Variants in EXOC6 observed in about 807,000 individuals in gnomAD.
The protein encoded by EXOC6 is exocyst complex component 6.
Under a neutral mutation model 112.5 loss-of-function variants are expected in EXOC6, and 60 were observed. The observed-to-expected ratio is 0.53, with a 90% CI of 0.43 to 0.66. The LOEUF (loss-of-function observed/expected upper bound fraction) is 0.66, where lower values mean the gene tolerates loss of function less well. EXOC6 is among the 30% of genes least tolerant of loss of function. EXOC6 has a pLI of 0.00. For synonymous variants in EXOC6, 295 were observed against 308.0 expected (o/e 0.96, Z 0.44); for missense variants, 855 against 957.1 (o/e 0.89, Z 1.41).
intron 20 of EXOC6, among the ~76,000 whole-genome samples, chr10:93,039,283 CTAGAG>C (rs1262415578): frequency 6.6e-6 from 1 of 152,120 alleles, no homozygotes; most frequent in Non-Finnish European, 1.5e-5. Context: ...TGTTTAGTCC[CTAGAG>C]TATTTTGCAA....
intron 21 of EXOC6, 51 bp from the exon 22 acceptor site, chr10:93,058,172 T>C (rs781498710): frequency 6.4e-7 from 1 of 1,559,340 alleles, no homozygotes; most frequent in Non-Finnish European, 8.7e-7. Flanking sequence ...TTGTGACAGC[T>C]TAGCTTTTAA....
intron 5 of EXOC6, among the ~76,000 whole-genome samples, chr10:92,904,165 A>G (rs542248517): frequency 6.6e-6 from 1 of 152,192 alleles, no homozygotes; most frequent in African/African-American, 2.4e-5. Context: ...ACTGAATAAT[A>G]CTACACTGTA....
chr10:92,841,445 G>A (rs1846847436), intron 1 of EXOC6, among the ~76,000 whole-genome samples: 1 of 152,142 alleles, frequency 6.6e-6, no homozygotes, highest in Non-Finnish European at 1.5e-5. Flanking sequence ...GCAATATCAT[G>A]ACCTGATTTA....
intron 5 of EXOC6, among the ~76,000 whole-genome samples, chr10:92,904,589 G>A (rs569943365): frequency 1.1e-4 from 16 of 152,078 alleles, no homozygotes; most frequent in Non-Finnish European, 1.9e-4. Flanking sequence ...GTCTTCTTTA[G>A]CGAGGTGTCC....
chr10:93,027,268 G>A (rs1180033697), intron 20 of EXOC6, among the ~76,000 whole-genome samples: 1 of 152,200 alleles, frequency 6.6e-6, no homozygotes, highest in Non-Finnish European at 1.5e-5. Flanking sequence ...GCTGAGGTTG[G>A]TTCATGAGGT....
At chr10:92,940,958 A>C in intron 13 of EXOC6, 134 bp downstream of exon 13, 1 of 684,308 alleles carries the variant, frequency 1.5e-6, no homozygotes, top group Non-Finnish European at 2.5e-6. Context: ...TTACCATCTT[A>C]GCCATTTTCA....
At position 92,860,225 on chromosome 10, in the gene EXOC6, A is replaced by T. The variant is rs1026529305; in HGVS notation, c.101+11591A>T. Among the ~76,000 whole-genome samples, 3 of 148,058 alleles carry T rather than the reference A, an allele frequency of 2.0e-5. No homozygotes were observed. The East Asian group carries it at 6.0e-4, about 30-fold the overall frequency. Reference sequence around the variant, plus strand: ...ATAAAGTTATTTGGCATTAAGTACAATTTACATTGTTCTGCCACCATTATC... The same window carrying T: ...ATAAAGTTATTTGGCATTAAGTACATTTTACATTGTTCTGCCACCATTATC... On this transcript the variant is annotated intron_variant, in intron 1 of 21. Coordinates refer to ENST00000260762, the MANE Select transcript of EXOC6 (RefSeq NM_019053.6).
intron 17 of EXOC6, among the ~76,000 whole-genome samples, chr10:92,971,388 T>A (rs1842291284): frequency 6.6e-6 from 1 of 151,610 alleles, no homozygotes. Context: ...TTTTTTTTCT[T>A]TTTTTAGATG....
At chr10:92,989,421 A>G (rs1843141961) in intron 18 of EXOC6, among the ~76,000 whole-genome samples, 1 of 152,214 alleles carries the variant, frequency 6.6e-6, no homozygotes. Flanking sequence ...TGATACCAGT[A>G]CTGATTAGAA....
At chr10:92,896,560 G>T (rs982258179) in intron 4 of EXOC6, among the ~76,000 whole-genome samples, 1 of 148,460 alleles carries the variant, frequency 6.7e-6, no homozygotes, top group Non-Finnish European at 1.5e-5. Context: ...ACTGTTAGCA[G>T]ATTTTATTGG....
chr10:93,052,066 C>T (rs553955860), intron 20 of EXOC6, among the ~76,000 whole-genome samples: 93 of 152,256 alleles, frequency 6.1e-4, no homozygotes, highest in African/African-American at 2.2e-3. Context: ...CTTTATTTAT[C>T]TTCTGTCCTG....
intron 1 of EXOC6, among the ~76,000 whole-genome samples, chr10:92,856,668 G>T (rs927565329): frequency 5.9e-5 from 9 of 152,274 alleles, no homozygotes; most frequent in East Asian, 1.9e-4. Context: ...TCCTACTGTT[G>T]TTGGAGGGAG....
At chr10:92,830,053 T>C (rs1013926706), upstream of EXOC6, among the ~76,000 whole-genome samples, 1 of 152,150 alleles carries the variant, frequency 6.6e-6, no homozygotes, top group African/African-American at 2.4e-5. Context: ...AATCAAGAAG[T>C]AACAATAAGT....
intron 1 of EXOC6, among the ~76,000 whole-genome samples, chr10:92,849,108 T>A (rs1847197895): frequency 6.6e-6 from 1 of 152,030 alleles, no homozygotes; most frequent in Non-Finnish European, 1.5e-5. Flanking sequence ...CGCGCCGGGC[T>A]GCCGCGGGCG....
rs1017945755 is a variant in EXOC6 at position 92,954,552 on chromosome 10, C to T, written c.1527-78C>T. 4.9e-6 allele frequency: 3 copies of T among 615,016 alleles called. No homozygotes were observed. The African/African-American group carries it at 5.7e-5, about 12-fold the overall frequency. 38.1% of individuals were successfully genotyped at this position (615,016 alleles called of 1,614,324 possible). On this transcript the variant is annotated intron_variant, in intron 15 of 21. Coordinates refer to ENST00000260762, the MANE Select transcript of EXOC6 (RefSeq NM_019053.6). Reference sequence around the variant, plus strand: ...TGATGGGGAAAATTATTTTAGTAAACTGTGTTAAATTATTTAGGATGTTAA... The same window carrying T: ...TGATGGGGAAAATTATTTTAGTAAATTGTGTTAAATTATTTAGGATGTTAA...
intron 1 of EXOC6, among the ~76,000 whole-genome samples, chr10:92,865,226 T>A (rs1848118935): frequency 6.6e-6 from 1 of 152,036 alleles, no homozygotes; most frequent in Admixed American, 6.5e-5. Flanking sequence ...CACTGTCCCC[T>A]CATTGCAGTC....
At position 93,014,210 on chromosome 10, in the gene EXOC6, G is replaced by C. The variant is rs772576575; in HGVS notation, c.2112G>C (p.Glu704Asp). The change falls in exon 20 of 22, where the codon GAG (glutamate) becomes GAC (aspartate). Residue 704 changes from glutamate (E) to aspartate (D), a missense_variant. By Grantham distance (45) the Glu-to-Asp change is conservative. Coordinates refer to ENST00000260762, the MANE Select transcript of EXOC6 (RefSeq NM_019053.6). ...TTTTAATAGTGTTTGCCAGCTCTGA[G>C]CCTGTGCCAGGATTCCAGGGGGATA... is the stretch of plus-strand genomic sequence containing the variant. The part of the protein sequence containing the change: ...VIQCELFASS[E>D]PVPGFQGDTL... 1.1e-5 allele frequency: 18 copies of C among 1,613,064 alleles called. No homozygotes were observed. In the South Asian group the frequency reaches 2.0e-4, roughly 18 times the overall value.
At chr10:93,025,105 T>G (rs1237848466) in intron 20 of EXOC6, among the ~76,000 whole-genome samples, 1 of 152,178 alleles carries the variant, frequency 6.6e-6, no homozygotes, top group Non-Finnish European at 1.5e-5. Context: ...TTAAATTTAG[T>G]AAGAAAAATA....
intron 11 of EXOC6, among the ~76,000 whole-genome samples, chr10:92,934,670 G>T (rs1212647449): frequency 6.6e-6 from 1 of 151,984 alleles, no homozygotes; most frequent in African/African-American, 2.4e-5. Flanking sequence ...AATTAAGCAG[G>T]TCTCATTAGT....
Sources: allele counts gnomAD v4.1 joint callset (sites outside exome capture counted in the v4.1 genomes callset), GRCh38; gene constraint gnomAD v4.1.1; transcripts MANE v1.5; gene names NCBI Gene and HGNC (gene_info 2026-07-23, HGNC 2026-07-21).